MYO18B: variants seen among roughly 807,000 people sequenced by gnomAD.
MYO18B encodes the protein myosin XVIIIB.
MYO18B carries 204 observed loss-of-function variants against 273.0 expected under a neutral mutation model. The observed-to-expected ratio is 0.75, with a 90% confidence interval of 0.67 to 0.84. MYO18B has a LOEUF of 0.84. Among genes scored for constraint, MYO18B ranks in the 40% least tolerant of loss-of-function variants. The pLI is 0.00. For missense variants in MYO18B, 3,212 were observed against 3,287.6 expected, an observed-to-expected ratio of 0.98 and a Z score of 0.56; for synonymous variants, 1,330 against 1,305.7, an observed-to-expected ratio of 1.02 and a Z score of -0.40.
chr22:25,878,007 C>T lies in MYO18B; in HGVS notation c.4273C>T (p.Arg1425Trp), dbSNP rs376264620. The change falls in exon 25 of 44, where the codon CGG becomes TGG. Residue 1425 changes from arginine (R) to tryptophan (W), a missense_variant. Arg to Trp is a moderately radical substitution (Grantham distance 101). Transcript: ENST00000335473. ...RRKLEKSEKL[R>W]NELRQNTDLL... ...GAAGCTAGAAAAATCAGAGAAGTTGCGGAATGAACTCCGGCAGAACACAGA... is the reference window on the plus strand; with the variant it reads ...GAAGCTAGAAAAATCAGAGAAGTTGTGGAATGAACTCCGGCAGAACACAGA... 66 of 1,584,572 alleles carry T rather than the reference C, an allele frequency of 4.2e-5. No individual in the cohort carries two copies. Among genetic ancestry groups the T allele is most frequent in the East Asian group, 1.6e-4 (7 of 43,552 alleles).
chr22:25,852,168 A>G (rs945383130), intron 21 of MYO18B, among the ~76,000 whole-genome samples: 5 of 152,178 alleles, frequency 3.3e-5, no homozygotes, highest in Admixed American at 3.3e-4. Flanking sequence ...AATTCTGATG[A>G]ACATCACTCC....
intron 29 of MYO18B, chr22:25,901,553 C>G (rs1029681739): frequency 7.2e-5 from 11 of 152,126 alleles, no homozygotes; most frequent in African/African-American, 2.7e-4. Flanking sequence ...TTTGTGTTTT[C>G]TGCTTGAGAA....
intron 1 of MYO18B, among the ~76,000 whole-genome samples, chr22:25,745,388 G>A (rs1413299020): frequency 1.3e-5 from 2 of 152,064 alleles, no homozygotes; most frequent in East Asian, 1.9e-4. Context: ...GGGATTACAG[G>A]CGTGGAACCA....
Position 25,818,357 on chromosome 22 carries a change from ACATGGATGGTTCCTTGAG to A in MYO18B, c.2522-5141_2522-5124del, listed in dbSNP as rs2089129746. Among the ~76,000 whole-genome samples, 4 of 152,182 alleles carry A rather than the reference ACATGGATGGTTCCTTGAG, an allele frequency of 2.6e-5. No homozygotes were observed. In the South Asian group the frequency reaches 8.3e-4, roughly 32 times the overall value. The stretch of plus-strand genomic sequence containing the variant: ...TGGCTTTGCAAAGAGCTGATGGTCT[ACATGGATGGTTCCTTGAG>A]CATGGAGCCTGAGATCAGCCACAGC... On this transcript the variant is annotated intron_variant, in intron 12 of 43. Transcript: ENST00000335473.
intron 10 of MYO18B, among the ~76,000 whole-genome samples, chr22:25,784,907 G>T (rs2087316016): frequency 6.6e-6 from 1 of 152,344 alleles, no homozygotes; most frequent in South Asian, 2.1e-4. Context: ...ATAGCGCGGA[G>T]TCTGGGCTCG....
chr22:25,833,542 G>C (rs1319718677), intron 16 of MYO18B, among the ~76,000 whole-genome samples: 1 of 152,144 alleles, frequency 6.6e-6, no homozygotes, highest in Non-Finnish European at 1.5e-5. Flanking sequence ...CTGCACCTCT[G>C]CTCGACTCAG....
At chr22:25,949,655 C>T (rs1274453171) in intron 36 of MYO18B, among the ~76,000 whole-genome samples, 3 of 152,108 alleles carry the variant, frequency 2.0e-5, no homozygotes, top group African/African-American at 7.2e-5. Context: ...TAACAAACAC[C>T]ACAAAAATAG....
At chr22:26,041,112 C>T in the MYO18B span, among the ~76,000 whole-genome samples, 5 of 152,166 alleles carry the variant, frequency 3.3e-5, no homozygotes, top group African/African-American at 1.2e-4. Context: ...CCAACAGAAA[C>T]TCATAAACTT....
At chr22:25,781,874 C>T (rs758574262) in intron 10 of MYO18B, 40 bp downstream of exon 10, 138 of 1,341,016 alleles carry the variant, frequency 1.0e-4, no homozygotes, top group Non-Finnish European at 1.3e-4. Flanking sequence ...GAGGGCAGTG[C>T]GACAAAGGGC....
chr22:25,856,635 G>T (rs1450558353), intron 21 of MYO18B, among the ~76,000 whole-genome samples: 1 of 152,208 alleles, frequency 6.6e-6, no homozygotes, highest in African/African-American at 2.4e-5. Context: ...GAGGAACTGA[G>T]TAGGAGAAAG....
At chr22:26,028,156 A>G (rs1046959002) in intron 43 of MYO18B, among the ~76,000 whole-genome samples, 1 of 151,510 alleles carries the variant, frequency 6.6e-6, no homozygotes, top group Non-Finnish European at 1.5e-5. Flanking sequence ...GAGGCAGGAC[A>G]ATCGCTTGAA....
chr22:25,952,699 T>G (rs2092806762), intron 38 of MYO18B, among the ~76,000 whole-genome samples: 2 of 152,138 alleles, frequency 1.3e-5, no homozygotes, highest in South Asian at 4.1e-4. Flanking sequence ...TTGTTCTTCC[T>G]TTCACCTTTA....
chr22:26,046,870 A>G, the MYO18B span, among the ~76,000 whole-genome samples: 1 of 152,200 alleles, frequency 6.6e-6, no homozygotes, highest in Non-Finnish European at 1.5e-5. Context: ...GTAGCTGGAA[A>G]GTCCAATATC....
At chr22:25,782,922 G>A (rs1443604022) in intron 10 of MYO18B, among the ~76,000 whole-genome samples, 1 of 152,194 alleles carries the variant, frequency 6.6e-6, no homozygotes, top group African/African-American at 2.4e-5. Context: ...CCACAGACTC[G>A]AGGACAAGGC....
At chr22:25,986,479 T>G (rs2093203857) in intron 39 of MYO18B, among the ~76,000 whole-genome samples, 1 of 152,240 alleles carries the variant, frequency 6.6e-6, no homozygotes, top group Non-Finnish European at 1.5e-5. Flanking sequence ...TTTATGTTTC[T>G]ATAGTACTTG....
At position 25,967,913 on chromosome 22, in the gene MYO18B, C is replaced by T. The variant is rs1455141954; in HGVS notation, c.6156+12549C>T. On this transcript the variant is annotated intron_variant, in intron 39 of 43. Transcript: ENST00000335473. ...ATCACATTGGTAGCTTGACATTGGC[C>T]ATTGTGGGATTATTTACACTATGGA... is the stretch of plus-strand genomic sequence containing the variant. Among the ~76,000 whole-genome samples the T allele has an allele frequency of 3.3e-5, 5 of 152,264 alleles. No individual in the cohort carries two copies. In the East Asian group the frequency reaches 9.7e-4, roughly 29 times the overall value.
intron 12 of MYO18B, among the ~76,000 whole-genome samples, chr22:25,800,668 CAAGG>C (rs1281016354): frequency 6.6e-6 from 1 of 152,188 alleles, no homozygotes; most frequent in African/African-American, 2.4e-5. Flanking sequence ...ATCCAAGAGA[CAAGG>C]AAGTTGAGAT....
intron 12 of MYO18B, among the ~76,000 whole-genome samples, chr22:25,813,117 C>T (rs963989926): frequency 2.7e-5 from 4 of 150,512 alleles, no homozygotes; most frequent in Non-Finnish European, 5.9e-5. Context: ...CTTTCCTCCA[C>T]TTCTCCCTTC....
intron 10 of MYO18B, among the ~76,000 whole-genome samples, chr22:25,782,831 T>C (rs1168727217): frequency 1.3e-5 from 2 of 152,196 alleles, no homozygotes; most frequent in Non-Finnish European, 2.9e-5. Context: ...TGATTGTAAC[T>C]GAGCAGCAGG....
Sources: gnomAD v4.1 joint callset for allele counts (sites outside exome capture counted in the v4.1 genomes callset) on GRCh38, gnomAD v4.1.1 for gene constraint, MANE v1.5 for transcripts, NCBI Gene and HGNC (gene_info 2026-07-23, HGNC 2026-07-21) for gene names.